Variants in GRM7 observed in about 807,000 individuals in gnomAD.
The protein encoded by GRM7 is metabotropic glutamate receptor 7.
Under a neutral mutation model 84.5 loss-of-function variants are expected in GRM7, and 35 were observed. The ratio of observed to expected loss-of-function variants is 0.41; its 90% confidence interval spans 0.32 to 0.55. The LOEUF is 0.55. Ranked by LOEUF, GRM7 falls within the 20% of genes least tolerant of loss-of-function variation. The probability of loss-of-function intolerance (pLI) is 0.19; values close to 1 mark genes in which losing one functional copy is unlikely to be tolerated. For missense variants in GRM7, 1,003 were observed against 1,194.6 expected (o/e 0.84, Z 2.36); for synonymous variants, 487 against 455.1 (o/e 1.07, Z -0.89).
chr3:7,569,542 C>A (rs1336113238), intron 7 of GRM7, among the ~76,000 whole-genome samples: 1 of 152,090 alleles, frequency 6.6e-6, no homozygotes, highest in African/African-American at 2.4e-5. Flanking sequence ...AAGCAGGCTG[C>A]CCCAGCCAGC....
chr3:7,380,662 C>T (rs989330697), intron 4 of GRM7, among the ~76,000 whole-genome samples: 1 of 152,162 alleles, frequency 6.6e-6, no homozygotes, highest in East Asian at 1.9e-4. Context: ...TCCTAGCCTA[C>T]CAGGTGGTAA....
At chr3:7,304,345 A>G (rs1399188433) in intron 3 of GRM7, among the ~76,000 whole-genome samples, 1 of 120,960 alleles carries the variant, frequency 8.3e-6, no homozygotes, top group Non-Finnish European at 1.8e-5. Context: ...GGTTAATAAT[A>G]TCATTTCTTT....
At chr3:7,181,131 C>T (rs536574303) in intron 2 of GRM7, among the ~76,000 whole-genome samples, 33 of 152,222 alleles carry the variant, frequency 2.2e-4, no homozygotes, top group Non-Finnish European at 3.7e-4. Flanking sequence ...ATGCTTTTTC[C>T]GGTTCTTCCC....
intron 1 of GRM7, among the ~76,000 whole-genome samples, chr3:7,119,835 T>A (rs189418693): frequency 6.6e-6 from 1 of 152,116 alleles, no homozygotes; most frequent in African/African-American, 2.4e-5. Context: ...TCTTAGAAGA[T>A]GACTTCAGCT....
chr3:7,450,479 A>G (rs1575353947), intron 5 of GRM7, among the ~76,000 whole-genome samples: 2 of 152,322 alleles, frequency 1.3e-5, no homozygotes, highest in South Asian at 2.1e-4. Flanking sequence ...ACATACAGGC[A>G]TATGCAGAAG....
At chr3:7,207,926 C>T (rs1696291689) in intron 2 of GRM7, among the ~76,000 whole-genome samples, 1 of 152,076 alleles carries the variant, frequency 6.6e-6, no homozygotes, top group Non-Finnish European at 1.5e-5. Context: ...TTTATTCAAA[C>T]TTGTTTCTTT....
At chr3:7,083,175 C>T (rs1327779421) in intron 1 of GRM7, among the ~76,000 whole-genome samples, 2 of 152,026 alleles carry the variant, frequency 1.3e-5, no homozygotes, top group African/African-American at 2.4e-5. Context: ...TTCACTGTTG[C>T]CTTAGTTTAG....
intron 4 of GRM7, among the ~76,000 whole-genome samples, chr3:7,391,851 T>G (rs1695011844): frequency 6.6e-6 from 1 of 151,820 alleles, no homozygotes; most frequent in South Asian, 2.1e-4. Context: ...ATGTTTGCCT[T>G]CAGTGGGGGT....
intron 2 of GRM7, among the ~76,000 whole-genome samples, chr3:7,273,229 TC>T (rs1402171551): frequency 0.019 from 2 of 108 alleles, no homozygotes; most frequent in African/African-American, 0.067. Flanking sequence ...TTGTATGATT[TC>T]TAATTTTAAA....
intron 4 of GRM7, among the ~76,000 whole-genome samples, chr3:7,311,462 C>G (rs1001024645): frequency 5.3e-5 from 8 of 151,478 alleles, no homozygotes; most frequent in African/African-American, 2.0e-4. Flanking sequence ...TCTCAATGGA[C>G]TAATGGAATG....
intron 4 of GRM7, among the ~76,000 whole-genome samples, chr3:7,335,157 A>G (rs2125070852): frequency 6.6e-6 from 1 of 152,294 alleles, no homozygotes; most frequent in South Asian, 2.1e-4. Flanking sequence ...AGACCATATC[A>G]TAGGCCACAA....
intron 1 of GRM7, among the ~76,000 whole-genome samples, chr3:6,989,219 TG>T (rs898476440): frequency 6.6e-6 from 1 of 152,246 alleles, no homozygotes; most frequent in African/African-American, 2.4e-5. Context: ...GGCCATTCTT[TG>T]GTTCAAAAGA....
intron 5 of GRM7, among the ~76,000 whole-genome samples, chr3:7,428,662 C>A (rs1378664924): frequency 6.6e-6 from 1 of 152,060 alleles, no homozygotes; most frequent in South Asian, 2.1e-4. Flanking sequence ...CATAAGGTGT[C>A]CAATAACTAC....
At chr3:7,058,924 A>G (rs1046265181) in intron 1 of GRM7, among the ~76,000 whole-genome samples, 3 of 152,072 alleles carry the variant, frequency 2.0e-5, no homozygotes. Flanking sequence ...CAAATAAGGA[A>G]GAGGAACAGG....
chr3:7,594,833 A>G (rs1054679377), intron 8 of GRM7, among the ~76,000 whole-genome samples: 1 of 152,160 alleles, frequency 6.6e-6, no homozygotes, highest in African/African-American at 2.4e-5. Flanking sequence ...GCCTAGGAGA[A>G]GCCAGCAGAT....
At chr3:7,370,758 A>G (rs1206985521) in intron 4 of GRM7, among the ~76,000 whole-genome samples, 1 of 152,140 alleles carries the variant, frequency 6.6e-6, no homozygotes, top group Admixed American at 6.6e-5. Flanking sequence ...AATCGTGTAC[A>G]TCAGTGTCAG....
At chr3:7,468,806 C>T (rs1698570076) in intron 7 of GRM7, among the ~76,000 whole-genome samples, 1 of 152,184 alleles carries the variant, frequency 6.6e-6, no homozygotes. Flanking sequence ...TGCTTTCACT[C>T]CTTTCTCCTG....
chr3:6,868,911 T>C (rs1695024838), intron 1 of GRM7, among the ~76,000 whole-genome samples: 1 of 152,170 alleles, frequency 6.6e-6, no homozygotes, highest in South Asian at 2.1e-4. Context: ...CTTTGGGTGT[T>C]GTGCTTTTGT....
At chr3:6,990,075 T>A (rs776861950) in intron 1 of GRM7, among the ~76,000 whole-genome samples, 2 of 152,252 alleles carry the variant, frequency 1.3e-5, no homozygotes, top group Non-Finnish European at 2.9e-5. Flanking sequence ...CCTGAAGGGC[T>A]GTGCCTAAGA....
Sources: gnomAD v4.1 joint callset for allele counts (sites outside exome capture counted in the v4.1 genomes callset) on GRCh38, gnomAD v4.1.1 for gene constraint, MANE v1.5 for transcripts, NCBI Gene and HGNC (gene_info 2026-07-23, HGNC 2026-07-21) for gene names.